The following TP63 variants were observed in gnomAD, a reference collection of about 807,000 sequenced individuals.
TP63 encodes tumor protein 63.
A neutral mutation model predicts 82.8 loss-of-function variants in TP63; 17 were observed. The ratio of observed to expected loss-of-function variants is 0.21; its 90% confidence interval spans 0.14 to 0.31. TP63 has a LOEUF of 0.31. Among genes scored for constraint, TP63 ranks in the 10% least tolerant of loss-of-function variants. TP63 has a pLI of 1.00. For synonymous variants in TP63, 330 were observed against 321.7 expected, an observed-to-expected ratio of 1.03 and a Z score of -0.28; for missense variants, 648 against 895.3, an observed-to-expected ratio of 0.72 and a Z score of 3.52.
At chr3:189,722,461 G>C (rs928529490) in intron 1 of TP63, among the ~76,000 whole-genome samples, 2 of 152,224 alleles carry the variant, frequency 1.3e-5, no homozygotes, top group Non-Finnish European at 2.9e-5. Flanking sequence ...GGGCCTTAGA[G>C]CTCAGGGGAA....
At chr3:189,856,311 T>A (rs1716284715) in intron 4 of TP63, among the ~76,000 whole-genome samples, 1 of 151,656 alleles carries the variant, frequency 6.6e-6, no homozygotes. Flanking sequence ...TTATGAGGAC[T>A]GATAAAAGAT....
chr3:189,841,185 A>G (rs1486187441), intron 4 of TP63, among the ~76,000 whole-genome samples: 1 of 152,156 alleles, frequency 6.6e-6, no homozygotes, highest in African/African-American at 2.4e-5. Context: ...AAGGGCCCTG[A>G]ATTTAAAGTT....
At chr3:189,674,676 G>A (rs34678527) in intron 1 of TP63, among the ~76,000 whole-genome samples, 243 of 152,268 alleles carry the variant, frequency 1.6e-3, no homozygotes, top group Non-Finnish European at 1.9e-3. Flanking sequence ...GGCTGCGTGT[G>A]TACCAGGCTG....
chr3:189,677,418 ACG>A (rs1189243742), intron 1 of TP63, among the ~76,000 whole-genome samples: 20 of 143,532 alleles, frequency 1.4e-4, no homozygotes, highest in Non-Finnish European at 2.7e-4. Context: ...ACATATATAC[ACG>A]TATACATATA....
intron 1 of TP63, among the ~76,000 whole-genome samples, chr3:189,668,115 A>T (rs1396659938): frequency 6.6e-6 from 1 of 152,062 alleles, no homozygotes; most frequent in Non-Finnish European, 1.5e-5. Context: ...GAGAAAAAAA[A>T]TTAGGCATTG....
chr3:189,804,244 G>A (rs1726635559), intron 3 of TP63, among the ~76,000 whole-genome samples: 1 of 152,018 alleles, frequency 6.6e-6, no homozygotes, highest in Non-Finnish European at 1.5e-5. Context: ...TGGAATTATT[G>A]GCTGTAAATA....
chr3:189,733,415 C>G (rs967632482), intron 1 of TP63, among the ~76,000 whole-genome samples: 7 of 152,170 alleles, frequency 4.6e-5, no homozygotes, highest in Non-Finnish European at 7.3e-5. Context: ...AAAACTCATA[C>G]TTTTTCGAAT....
At chr3:189,733,609 A>C (rs1720330385) in intron 1 of TP63, among the ~76,000 whole-genome samples, 1 of 152,204 alleles carries the variant, frequency 6.6e-6, no homozygotes, top group Admixed American at 6.5e-5. Flanking sequence ...TTTTGGAATA[A>C]TTCATGCCTT....
intron 4 of TP63, among the ~76,000 whole-genome samples, chr3:189,811,303 A>G (rs1434079717): frequency 6.6e-6 from 1 of 152,158 alleles, no homozygotes; most frequent in Non-Finnish European, 1.5e-5. Flanking sequence ...TCGCATCGAT[A>G]TATTGTCTGC....
intron 3 of TP63, among the ~76,000 whole-genome samples, chr3:189,778,145 G>A (rs979113931): frequency 6.6e-6 from 1 of 152,098 alleles, no homozygotes; most frequent in African/African-American, 2.4e-5. Context: ...GGGATTACAG[G>A]CATGAGCCAC....
At position 189,896,164 on chromosome 3, in the gene TP63, A is replaced by G. The variant is rs892595510; in HGVS notation, c.*1662A>G. ...TTCTGGTCAAGGGCTGTCATTGCAC[A>G]TAAGCTTCCATTTTAATTTTAAAGT... On this transcript the variant is annotated 3_prime_UTR_variant, in exon 14 of 14. Coordinates refer to ENST00000264731, the MANE Select transcript of TP63 (RefSeq NM_003722.5). 6 of 219,852 alleles carry G rather than the reference A, an allele frequency of 2.7e-5. No individual in the cohort carries two copies. The highest frequency in any genetic ancestry group is 1.3e-4 in the African/African-American group (6 of 44,554). 13.6% of individuals were successfully genotyped at this position (219,852 alleles called of 1,614,324 possible). A position where few individuals can be genotyped will look rare whatever the true frequency, so the allele number is the denominator to read the frequency against.
rs537599720 is a variant in TP63, at chr3:189,709,865, A to G, written c.63-27875A>G. 1.9e-4 allele frequency among the ~76,000 whole-genome samples: 29 copies of G among 152,204 alleles called. No individual in the cohort carries two copies. The South Asian group carries it at 4.8e-3, about 25-fold the overall frequency. ...CTTTGAAGGTGGGTCATACAACTTA[A>G]CCTTTGCTCACTTTTTCTCCATCCA... On this transcript the variant is annotated intron_variant, in intron 1 of 13. Transcript: ENST00000264731.
At chr3:189,851,778 C>A (rs555914510) in intron 4 of TP63, among the ~76,000 whole-genome samples, 1 of 152,080 alleles carries the variant, frequency 6.6e-6, no homozygotes, top group East Asian at 1.9e-4. Context: ...TTAAGATATG[C>A]CCTTCTGATG....
chr3:189,857,989 C>G (rs1716500310), intron 4 of TP63, among the ~76,000 whole-genome samples: 1 of 152,130 alleles, frequency 6.6e-6, no homozygotes, highest in African/African-American at 2.4e-5. Context: ...AGGCATTTAT[C>G]CAAAGGGAAT....
upstream of TP63, among the ~76,000 whole-genome samples, chr3:189,628,067 C>G (rs1321903951): frequency 6.6e-6 from 1 of 152,120 alleles, no homozygotes; most frequent in Non-Finnish European, 1.5e-5. Context: ...TGCCCTCAAG[C>G]TGTTCACAAT....
At chr3:189,808,689 G>A (rs1727205745) in intron 4 of TP63, among the ~76,000 whole-genome samples, 163 bp downstream of exon 4, 1 of 152,216 alleles carries the variant, frequency 6.6e-6, no homozygotes, top group Admixed American at 6.5e-5. Flanking sequence ...GAAAGTGCCA[G>A]TTAGTGGGAA....
At chr3:189,756,508 C>T (rs540228819) in intron 3 of TP63, among the ~76,000 whole-genome samples, 1 of 152,148 alleles carries the variant, frequency 6.6e-6, no homozygotes, top group Non-Finnish European at 1.5e-5. Flanking sequence ...GAACAAACAG[C>T]CTTCTTAATA....
At chr3:189,817,600 T>TG (rs1391467456) in intron 4 of TP63, among the ~76,000 whole-genome samples, 1 of 152,162 alleles carries the variant, frequency 6.6e-6, no homozygotes, top group Admixed American at 6.5e-5. Flanking sequence ...TAGATTTACT[T>TG]GCTTGAATCT....
chr3:189,730,512 T>G (rs1011000016), intron 1 of TP63, among the ~76,000 whole-genome samples: 6 of 152,228 alleles, frequency 3.9e-5, no homozygotes, highest in African/African-American at 1.4e-4. Flanking sequence ...ACATATGTAA[T>G]TTAGCAAAGC....
Sources: allele counts gnomAD v4.1 joint callset (sites outside exome capture counted in the v4.1 genomes callset), GRCh38; gene constraint gnomAD v4.1.1; transcripts MANE v1.5; gene names NCBI Gene and HGNC (gene_info 2026-07-23, HGNC 2026-07-21).